Variants in ITPR1 observed in about 807,000 individuals in gnomAD.
ITPR1 encodes inositol 1,4,5-trisphosphate receptor type 1, also known as inositol 1,4,5-trisphosphate-gated calcium channel ITPR1.
A neutral mutation model predicts 318.4 loss-of-function variants in ITPR1; 96 were observed. The observed-to-expected ratio is 0.30, with a 90% CI of 0.26 to 0.36. The LOEUF (loss-of-function observed/expected upper bound fraction) is 0.36, where lower values mean the gene tolerates loss of function less well. ITPR1 is among the 10% of genes least tolerant of loss of function. The pLI is 1.00. For synonymous variants in ITPR1, 1,312 were observed against 1,289.9 expected (o/e 1.02, Z -0.37); for missense variants, 2,440 against 3,460.2 (o/e 0.71, Z 7.40).
chr3:4,836,148 G>A (rs1169652396), intron 60 of ITPR1, among the ~76,000 whole-genome samples: 1 of 152,142 alleles, frequency 6.6e-6, no homozygotes, highest in Non-Finnish European at 1.5e-5. Flanking sequence ...TTTGCAAAAG[G>A]TTTTCCCAGT....
chr3:4,827,140 A>C (rs2050131715), intron 60 of ITPR1, among the ~76,000 whole-genome samples: 2 of 152,184 alleles, frequency 1.3e-5, no homozygotes, highest in Non-Finnish European at 2.9e-5. Context: ...GATAAGCTCC[A>C]AAAGTACATT....
chr3:4,697,486 C>G (rs2094579378), intron 34 of ITPR1, among the ~76,000 whole-genome samples: 1 of 114,756 alleles, frequency 8.7e-6, no homozygotes, highest in Non-Finnish European at 1.8e-5. Context: ...GAGTCTTGCT[C>G]TGTTACCTAG....
At chr3:4,630,078 A>T (rs34394878) in intron 5 of ITPR1, among the ~76,000 whole-genome samples, 13,315 of 152,248 alleles carry the variant, frequency 0.087, 802 homozygotes, top group African/African-American at 0.16. Flanking sequence ...TACCAATTTT[A>T]AAAAATTATA....
intron 5 of ITPR1, among the ~76,000 whole-genome samples, chr3:4,636,882 C>A (rs1278263293): frequency 6.6e-6 from 1 of 152,192 alleles, no homozygotes. Flanking sequence ...GTGGAATATG[C>A]CTTCTTGATG....
intron 39 of ITPR1, among the ~76,000 whole-genome samples, chr3:4,716,768 A>G (rs2041793593): frequency 6.6e-6 from 1 of 152,220 alleles, no homozygotes; most frequent in Non-Finnish European, 1.5e-5. Flanking sequence ...TTTCTTGGAC[A>G]CGATGCTGAT....
chr3:4,653,227 GGTGATGGTGGGTGTCA>G (rs1483687333), intron 11 of ITPR1, among the ~76,000 whole-genome samples: 1 of 152,190 alleles, frequency 6.6e-6, no homozygotes, highest in East Asian at 1.9e-4. Flanking sequence ...AGATTTCCAA[GGTGATGGTGGGTGTCA>G]GCACTGCTCC....
At chr3:4,772,344 G>A (rs540240388) in intron 46 of ITPR1, among the ~76,000 whole-genome samples, 43 of 152,362 alleles carry the variant, frequency 2.8e-4, no homozygotes, top group Non-Finnish European at 4.9e-4. Flanking sequence ...CTTTGGGCTC[G>A]TGCCCGGAGT....
intron 4 of ITPR1, among the ~76,000 whole-genome samples, chr3:4,595,335 G>A (rs2090718782): frequency 1.3e-5 from 2 of 152,198 alleles, no homozygotes; most frequent in Non-Finnish European, 2.9e-5. Flanking sequence ...CAGAGTGGGA[G>A]CGAGAGAGAG....
rs6442908 is a variant in ITPR1 at position 4,788,415 on chromosome 3, A to G, written c.6808+276A>G. Reference sequence around the variant, plus strand: ...GAAGACTTTTTGAATGCCTCTTTTGATATCTCTATCTAGAAAATAAAAAGA... The same window carrying G: ...GAAGACTTTTTGAATGCCTCTTTTGGTATCTCTATCTAGAAAATAAAAAGA... On this transcript the variant is annotated intron_variant, in intron 52 of 61. Transcript: ENST00000649015. Among the ~76,000 whole-genome samples the G allele has an allele frequency of 0.93, 142,049 of 152,244 alleles. 66,567 individuals are homozygous for G. Among genetic ancestry groups the G allele is most frequent in the East Asian group, 1 (5,168 of 5,178 alleles).
chr3:4,630,176 C>G lies in ITPR1; in HGVS notation c.279+2298C>G, dbSNP rs116286521. Among the ~76,000 whole-genome samples, 645 of 152,148 alleles carry G rather than the reference C, an allele frequency of 4.2e-3. 6 individuals are homozygous for G. The highest frequency in any genetic ancestry group is 0.015 in the African/African-American group (620 of 41,512). On this transcript the variant is annotated intron_variant, in intron 5 of 61. Transcript: ENST00000649015. ...GCTCAGGGATGACTGCTCTGGAAGG[C>G]GTGAGGAAGTAAGTGCTTGCACCTC...
intron 2 of ITPR1, among the ~76,000 whole-genome samples, chr3:4,503,798 C>T (rs1180848886): frequency 1.3e-5 from 2 of 152,174 alleles, no homozygotes; most frequent in Admixed American, 6.5e-5. Context: ...ACTTTTGTCT[C>T]TCTCTGAGGA....
chr3:4,822,721 G>A (rs1191878293), intron 60 of ITPR1, among the ~76,000 whole-genome samples: 5 of 152,112 alleles, frequency 3.3e-5, no homozygotes, highest in Non-Finnish European at 5.9e-5. Context: ...CGATGCTGTC[G>A]AGTACTCAAA....
chr3:4,733,501 G>C (rs2043072648), intron 43 of ITPR1, among the ~76,000 whole-genome samples: 1 of 152,046 alleles, frequency 6.6e-6, no homozygotes, highest in Non-Finnish European at 1.5e-5. Context: ...TGAGGGATTT[G>C]ATTTTATTGC....
intron 18 of ITPR1, among the ~76,000 whole-genome samples, chr3:4,669,033 C>T (rs149987074): frequency 2.7e-3 from 411 of 152,286 alleles, no homozygotes; most frequent in African/African-American, 9.3e-3. Flanking sequence ...CAAATGATTA[C>T]AATGGAGCAC....
At chr3:4,784,088 A>G (rs1468289253) in intron 51 of ITPR1, among the ~76,000 whole-genome samples, 168 bp downstream of exon 51, 1 of 152,086 alleles carries the variant, frequency 6.6e-6, no homozygotes, top group Non-Finnish European at 1.5e-5. Flanking sequence ...CAAGACAGTC[A>G]TTATTGCTGC....
At chr3:4,814,636 G>A in intron 58 of ITPR1, 74 bp downstream of exon 58, 1 of 1,368,750 alleles carries the variant, frequency 7.3e-7, no homozygotes, top group Non-Finnish European at 1.0e-6. Context: ...ATGCAGCGGT[G>A]TTGAGTGTAA....
At chr3:4,831,119 T>A (rs1377806897) in intron 60 of ITPR1, 6 of 272,440 alleles carry the variant, frequency 2.2e-5, no homozygotes, top group African/African-American at 8.9e-5. Context: ...TCTCTCTCTC[T>A]CTCTCTCTCT....
At chr3:4,782,891 C>T in intron 50 of ITPR1, 150 bp downstream of exon 50, 2 of 613,030 alleles carry the variant, frequency 3.3e-6, no homozygotes, top group Non-Finnish European at 4.9e-6. Context: ...GTGCTCGTGG[C>T]AACCTGACCC....
chr3:4,665,384 CTATT>C (rs2093924467), intron 17 of ITPR1, 88 bp downstream of exon 17: 2 of 1,237,780 alleles, frequency 1.6e-6, no homozygotes, highest in South Asian at 1.5e-5. Context: ...TGTCACATGT[CTATT>C]TATAGAATGG....
Sources: allele counts gnomAD v4.1 joint callset (sites outside exome capture counted in the v4.1 genomes callset), GRCh38; gene constraint gnomAD v4.1.1; transcripts MANE v1.5; gene names NCBI Gene and HGNC (gene_info 2026-07-23, HGNC 2026-07-21).